Variants in IL17RD observed in about 807,000 individuals in gnomAD.
The protein encoded by IL17RD is interleukin 17 receptor D.
In IL17RD, 52 loss-of-function variants were observed where a neutral mutation model predicts 80.5. The ratio of observed to expected loss-of-function variants is 0.65; its 90% CI spans 0.52 to 0.81. The LOEUF (loss-of-function observed/expected upper bound fraction) is 0.81. Among genes scored for constraint, IL17RD ranks in the 40% least tolerant of loss-of-function variants. The pLI, the probability that IL17RD is intolerant of heterozygous loss-of-function variation, is 0.00. For missense variants in IL17RD, 1,024 were observed against 955.1 expected (o/e 1.07, Z -0.95); for synonymous variants, 416 against 391.8 (o/e 1.06, Z -0.73).
At chr3:57,123,389 G>C (rs750033455) in intron 1 of IL17RD, among the ~76,000 whole-genome samples, 9 of 152,116 alleles carry the variant, frequency 5.9e-5, no homozygotes, top group Non-Finnish European at 1.2e-4. Context: ...ACTCCCTCTT[G>C]CACCTTCTAA....
chr3:57,111,983 G>A lies in IL17RD; in HGVS notation c.311-1672C>T, dbSNP rs993038105. Among the ~76,000 whole-genome samples the A allele has an allele frequency of 6.0e-5, 9 of 150,464 alleles. No homozygotes were observed. The East Asian group carries it at 1.4e-3, about 23-fold the overall frequency. ...TCTCAAAAAAAAAAAAAGAAAGAAA[G>A]AAAAAAAAATTCATCAGTTGGGGTG... On this transcript the variant is annotated intron_variant, in intron 3 of 12. Transcript: ENST00000296318.
At chr3:57,153,862 C>G (rs930700673) in intron 1 of IL17RD, among the ~76,000 whole-genome samples, 8 of 151,954 alleles carry the variant, frequency 5.3e-5, no homozygotes, top group African/African-American at 1.7e-4. Flanking sequence ...ATTATATATA[C>G]CTGTATTTTG....
chr3:57,113,142 A>G (rs914186633), intron 3 of IL17RD, among the ~76,000 whole-genome samples: 2 of 152,200 alleles, frequency 1.3e-5, no homozygotes, highest in African/African-American at 4.8e-5. Flanking sequence ...TGTATCTTCA[A>G]TTCATTCAAG....
Position 57,163,555 on chromosome 3 carries a change from C to A in IL17RD, c.126+1606G>T, listed in dbSNP as rs187330921. On this transcript the variant is annotated intron_variant, in intron 1 of 12. Coordinates refer to ENST00000296318, the MANE Select transcript of IL17RD (RefSeq NM_017563.5). The stretch of plus-strand genomic sequence containing the variant: ...TTACCTACGCCATCACATGAACACT[C>A]AAAATAAAACGCCTGTGATATTGTA... Among the ~76,000 whole-genome samples, 470 of 151,592 alleles carry A rather than the reference C, an allele frequency of 3.1e-3. 1 individual carries two copies. Among genetic ancestry groups the A allele is most frequent in the Middle Eastern group, 6.8e-3 (2 of 292 alleles).
chr3:57,154,562 GCTCA>G (rs2060255462), intron 1 of IL17RD, among the ~76,000 whole-genome samples: 22 of 152,034 alleles, frequency 1.4e-4, no homozygotes, highest in Admixed American at 1.4e-3. Flanking sequence ...TGGGAAATGT[GCTCA>G]AGTGAAAAGA....
At chr3:57,168,024 G>C (rs1469277940), upstream of IL17RD, among the ~76,000 whole-genome samples, 1 of 152,038 alleles carries the variant, frequency 6.6e-6, no homozygotes, top group East Asian at 1.9e-4. Flanking sequence ...TAGAGACGTG[G>C]TTTCACCATG....
At chr3:57,152,920 C>A (rs913930833) in intron 1 of IL17RD, among the ~76,000 whole-genome samples, 5 of 152,120 alleles carry the variant, frequency 3.3e-5, no homozygotes, top group Non-Finnish European at 5.9e-5. Context: ...TGTGAGGAAG[C>A]AGTCAACCGT....
rs1706550947 is a variant in IL17RD, at chr3:57,091,383, CA to C, written c.*5009del. On this transcript the variant is annotated 3_prime_UTR_variant, in exon 13 of 13. Transcript: ENST00000296318. ...AATAATTCTCAATGAATATAGGTGACATATCATTTTGTGAAAGTGCCATTAT... is the reference window on the plus strand; with the variant it reads ...AATAATTCTCAATGAATATAGGTGACTATCATTTTGTGAAAGTGCCATTAT... 1 of 152,546 alleles carries C rather than the reference CA, an allele frequency of 6.6e-6. No individual in the cohort carries two copies. Among genetic ancestry groups the C allele is most frequent in the South Asian group, 2.1e-4 (1 of 4,828 alleles). 9.4% of individuals were successfully genotyped at this position (152,546 alleles called of 1,614,324 possible). A position where few individuals can be genotyped will look rare whatever the true frequency, so the allele number is the denominator to read the frequency against.
chr3:57,090,106 A>G lies in IL17RD; in HGVS notation c.*6287T>C, dbSNP rs907142355. ...ACAAATCAAGTCATTAACATTTTCA[A>G]TGTCAAAAATACAGCACGCTGTTAA... On this transcript the variant is annotated 3_prime_UTR_variant, in exon 13 of 13. Coordinates refer to ENST00000296318, the MANE Select transcript of IL17RD (RefSeq NM_017563.5). 2.0e-5 allele frequency: 3 copies of G among 152,662 alleles called. No individual in the cohort carries two copies. The highest frequency in any genetic ancestry group is 2.9e-5 in the Non-Finnish European group (2 of 68,044). The allele number at this position is 152,662 out of a possible 1,614,324, so 9.5% of individuals were successfully genotyped here. A position where few individuals can be genotyped will look rare whatever the true frequency, so the allele number is the denominator to read the frequency against.
intron 1 of IL17RD, among the ~76,000 whole-genome samples, 179 bp from the exon 2 acceptor site, chr3:57,120,492 C>T (rs1275175452): frequency 6.6e-6 from 1 of 152,234 alleles, no homozygotes; most frequent in Non-Finnish European, 1.5e-5. Flanking sequence ...AAACTCCCGC[C>T]AGCCCAGGAG....
At chr3:57,100,383 A>G (rs1056554049) in intron 11 of IL17RD, among the ~76,000 whole-genome samples, 2 of 152,252 alleles carry the variant, frequency 1.3e-5, no homozygotes, top group African/African-American at 2.4e-5. Flanking sequence ...GTTATTGTAC[A>G]GTTCTTGCAT....
At chr3:57,160,588 C>T (rs538027795) in intron 1 of IL17RD, among the ~76,000 whole-genome samples, 1 of 152,234 alleles carries the variant, frequency 6.6e-6, no homozygotes, top group South Asian at 2.1e-4. Flanking sequence ...CTTCCCTGCT[C>T]CTCCCATCCT....
chr3:57,163,822 G>A (rs2060325416), intron 1 of IL17RD, among the ~76,000 whole-genome samples: 2 of 146,560 alleles, frequency 1.4e-5, no homozygotes. Context: ...CGGGGGCGGA[G>A]GCAGAGCAGG....
chr3:57,097,702 C>T lies in IL17RD; in HGVS notation c.2001G>A (p.Ser667=), dbSNP rs770361295. The T allele has an allele frequency of 1.9e-6, 3 of 1,605,218 alleles. No individual in the cohort carries two copies. The highest frequency in any genetic ancestry group is 2.2e-5 in the South Asian group (2 of 89,348). The change falls in exon 12 of 13, where the codon TCG becomes TCA. Residue 667 remains serine, a synonymous_variant. Coordinates refer to ENST00000296318, the MANE Select transcript of IL17RD (RefSeq NM_017563.5). Reference sequence around the variant, plus strand: ...GAGACAGCTCGGATGAGGGCACAGACGAGTCATAGATGCCTGAGTCCCGCG... The same window carrying T: ...GAGACAGCTCGGATGAGGGCACAGATGAGTCATAGATGCCTGAGTCCCGCG... ...DMPRDSGIYD[S]SVPSSELSLP...
chr3:57,097,311 G>A (rs1706702190), intron 12 of IL17RD, among the ~76,000 whole-genome samples: 2 of 152,204 alleles, frequency 1.3e-5, no homozygotes, highest in African/African-American at 4.8e-5. Context: ...CGTGTCTGAT[G>A]TTTTTGGAGT....
At chr3:57,118,703 T>C (rs1707269652) in intron 2 of IL17RD, among the ~76,000 whole-genome samples, 1 of 152,178 alleles carries the variant, frequency 6.6e-6, no homozygotes, top group South Asian at 2.1e-4. Context: ...AAAAAAGTGG[T>C]GCTTGCATTC....
In IL17RD at chr3:57,098,426, A is replaced by T; in HGVS notation, c.1277T>A (p.Met426Lys). The T allele has an allele frequency of 6.2e-7, 1 of 1,613,904 alleles. No individual in the cohort carries two copies. Among genetic ancestry groups the T allele is most frequent in the East Asian group, 2.2e-5 (1 of 44,878 alleles). The change falls in exon 12 of 13, where the codon ATG becomes AAG. Residue 426 changes from methionine (M) to lysine (K), a missense_variant. By Grantham distance (95) the Met-to-Lys change is moderately conservative (BLOSUM62 -1). Transcript: ENST00000296318. ...GTTCTTCTTGTCCACAAAGTACTTC[A>T]TACCTTTGGAACAAACCACAATGAT... The part of the protein sequence containing the change: ...QFIIVVCSKG[M>K]KYFVDKKNYK...
intron 1 of IL17RD, among the ~76,000 whole-genome samples, chr3:57,126,061 T>A (rs1025985328): frequency 6.6e-6 from 1 of 152,216 alleles, no homozygotes; most frequent in Non-Finnish European, 1.5e-5. Flanking sequence ...TGTAAACTGT[T>A]CTTCAAGAAA....
chr3:57,164,482 C>T (rs1357549742), intron 1 of IL17RD, among the ~76,000 whole-genome samples: 1 of 152,238 alleles, frequency 6.6e-6, no homozygotes, highest in Non-Finnish European at 1.5e-5. Context: ...GACACCCACG[C>T]GGCCCTTTGG....
Sources: allele counts gnomAD v4.1 joint callset (sites outside exome capture counted in the v4.1 genomes callset), GRCh38; gene constraint gnomAD v4.1.1; transcripts MANE v1.5; gene names NCBI Gene and HGNC (gene_info 2026-07-23, HGNC 2026-07-21).